The following MDGA2 variants were observed in gnomAD, a reference collection of about 807,000 sequenced individuals.
MDGA2 encodes the protein MAM domain containing glycosylphosphatidylinositol anchor 2, also known as MAM domain-containing glycosylphosphatidylinositol anchor protein 2.
Under a neutral mutation model 117.8 loss-of-function variants are expected in MDGA2, and 40 were observed. The ratio of observed to expected loss-of-function variants is 0.34; its 90% CI spans 0.26 to 0.44. The LOEUF (loss-of-function observed/expected upper bound fraction) is 0.44. MDGA2 is among the 20% of genes least tolerant of loss of function. MDGA2 has a pLI of 1.00. For synonymous variants in MDGA2, 452 were observed against 439.0 expected, an observed-to-expected ratio of 1.03 and a Z score of -0.37; for missense variants, 1,123 against 1,250.6, an observed-to-expected ratio of 0.90 and a Z score of 1.54.
chr14:47,358,881 T>C (rs757056340), intron 1 of MDGA2, among the ~76,000 whole-genome samples: 3 of 152,162 alleles, frequency 2.0e-5, no homozygotes, highest in Non-Finnish European at 4.4e-5. Context: ...AAAATGTCCA[T>C]ACTATCTAAA....
intron 5 of MDGA2, among the ~76,000 whole-genome samples, chr14:47,113,887 G>A (rs1414973016): frequency 2.0e-5 from 3 of 152,136 alleles, no homozygotes; most frequent in East Asian, 3.9e-4. Flanking sequence ...AATCAACATA[G>A]TACTGGAAGT....
chr14:46,848,117 G>T (rs1880915652), intron 15 of MDGA2, among the ~76,000 whole-genome samples: 1 of 152,036 alleles, frequency 6.6e-6, no homozygotes, highest in South Asian at 2.1e-4. Context: ...GTCTAATAAA[G>T]GTGGGTTAAA....
intron 1 of MDGA2, among the ~76,000 whole-genome samples, chr14:47,486,464 T>G (rs182872668): frequency 6.6e-6 from 1 of 152,234 alleles, no homozygotes; most frequent in African/African-American, 2.4e-5. Flanking sequence ...ACTCTGGACT[T>G]TTGAGTTAAT....
chr14:46,932,168 T>C (rs1884605286), intron 9 of MDGA2, among the ~76,000 whole-genome samples: 1 of 151,870 alleles, frequency 6.6e-6, no homozygotes, highest in Non-Finnish European at 1.5e-5. Flanking sequence ...ACGATAGCTA[T>C]TAATATGTGT....
intron 8 of MDGA2, among the ~76,000 whole-genome samples, chr14:46,961,508 T>G (rs1885806284): frequency 6.6e-6 from 1 of 152,226 alleles, no homozygotes; most frequent in African/African-American, 2.4e-5. Flanking sequence ...CAATAACGTA[T>G]ACTTCATTTA....
chr14:47,567,825 A>G (rs1162005832), intron 1 of MDGA2, among the ~76,000 whole-genome samples: 1 of 152,136 alleles, frequency 6.6e-6, no homozygotes, highest in East Asian at 1.9e-4. Flanking sequence ...AAAAAGTACA[A>G]AATTTTATTT....
intron 1 of MDGA2, among the ~76,000 whole-genome samples, chr14:47,360,091 C>T (rs1175593996): frequency 6.6e-6 from 1 of 151,850 alleles, no homozygotes; most frequent in East Asian, 2.0e-4. Flanking sequence ...GTGGCTCATG[C>T]CTGTAATCCC....
rs141898490 is a variant in MDGA2 at position 46,958,932 on chromosome 14, T to C, written c.1820-1289A>G. The stretch of plus-strand genomic sequence containing the variant: ...AATAGTCTGCACTTTTGAAGTGTGA[T>C]TGATATGTATCTATTGGGCCAACTC... On this transcript the variant is annotated intron_variant, in intron 8 of 16. Transcript: ENST00000399232. Among the ~76,000 whole-genome samples the C allele has an allele frequency of 1.4e-4, 22 of 152,328 alleles. No homozygotes were observed. The East Asian group carries it at 4.1e-3, about 28-fold the overall frequency.
At chr14:47,253,440 A>T (rs1345914894) in intron 2 of MDGA2, among the ~76,000 whole-genome samples, 1 of 152,248 alleles carries the variant, frequency 6.6e-6, no homozygotes, top group East Asian at 1.9e-4. Flanking sequence ...CAAACGGGCT[A>T]CACACACCAT....
chr14:47,083,986 A>C (rs1277952792), intron 6 of MDGA2, among the ~76,000 whole-genome samples: 1 of 152,118 alleles, frequency 6.6e-6, no homozygotes, highest in Non-Finnish European at 1.5e-5. Context: ...ATACTTGGAG[A>C]CTTTGATATT....
chr14:47,495,623 T>G (rs1263010408), intron 1 of MDGA2, among the ~76,000 whole-genome samples: 1 of 152,204 alleles, frequency 6.6e-6, no homozygotes, highest in Non-Finnish European at 1.5e-5. Context: ...GTAGCCTCAA[T>G]TTTCTATCTG....
intron 8 of MDGA2, among the ~76,000 whole-genome samples, chr14:46,972,238 A>C (rs1011631413): frequency 6.6e-5 from 10 of 152,192 alleles, no homozygotes; most frequent in Non-Finnish European, 1.5e-4. Context: ...ATACCCAGTT[A>C]GTGCTGGAGA....
chr14:47,446,597 G>GA (rs1252776522), intron 1 of MDGA2, among the ~76,000 whole-genome samples: 6 of 151,132 alleles, frequency 4.0e-5, no homozygotes, highest in Admixed American at 2.0e-4. Context: ...GGTAAAAAGA[G>GA]AAAAAAAAAT....
chr14:47,350,633 C>A (rs1271283653), intron 1 of MDGA2, among the ~76,000 whole-genome samples: 9 of 152,152 alleles, frequency 5.9e-5, no homozygotes, highest in Admixed American at 3.9e-4. Context: ...TTGAAGCCTT[C>A]ATTCAAAAAA....
Position 46,874,154 on chromosome 14 carries a change from A to G in MDGA2, c.2484T>C (p.Thr828=). 1.3e-6 allele frequency: 2 copies of G among 1,504,606 alleles called. No individual in the cohort carries two copies. Among genetic ancestry groups the G allele is most frequent in the Non-Finnish European group, 8.9e-7 (1 of 1,127,238 alleles). The allele number at this position is 1,504,606 out of a possible 1,614,324, so 93.2% of individuals were successfully genotyped here. Residue 828 remains threonine (T), a synonymous_variant, in exon 13 of 17, where the codon ACT becomes ACC. Coordinates refer to ENST00000399232, the MANE Select transcript of MDGA2 (RefSeq NM_001113498.3). ...GFEDGNICLF[T]QDDTDNFDWT... is the part of the protein sequence containing the mutation. Reference sequence around the variant, plus strand: ...AGTCAAAATTATCTGTATCATCTTGAGTGAACAAACAAATATTACCATCTT... The same window carrying G: ...AGTCAAAATTATCTGTATCATCTTGGGTGAACAAACAAATATTACCATCTT...
rs1413810179 is a variant in MDGA2 at position 47,674,550 on chromosome 14, G to T, written c.247C>A (p.Leu83Ile). ...CCTTGGCCAGAGATCCCCTCCAGGA[G>T]GACTGTCAGCAGCCACACGAGACCG... ...LYGLVWLLTVLLEGISGQGVY... is the reference protein window; with the variant it reads ...LYGLVWLLTVILEGISGQGVY... Residue 83 changes from leucine (L) to isoleucine (I), a missense_variant, in exon 1 of 17, where the codon CTC becomes ATC. Leu to Ile is a conservative substitution (Grantham distance 5). Transcript: ENST00000399232. 1.3e-6 allele frequency: 2 copies of T among 1,551,296 alleles called. No homozygotes were observed. Among genetic ancestry groups the T allele is most frequent in the Non-Finnish European group, 1.7e-6 (2 of 1,146,812 alleles).
chr14:47,319,507 T>A (rs1353611869), intron 1 of MDGA2, among the ~76,000 whole-genome samples: 1 of 152,188 alleles, frequency 6.6e-6, no homozygotes. Context: ...AGCTAACACA[T>A]GCTACTAAAC....
rs74421599 is a variant in MDGA2, at chr14:47,057,370, C to T, written c.1525+3879G>A. On this transcript the variant is annotated intron_variant, in intron 7 of 16. Transcript: ENST00000399232. Reference sequence around the variant, plus strand: ...CTGTCTTGATGATTTAGATTGTAAGCTCCTTAAGGGCAAGGCCTATTTGTA... The same window carrying T: ...CTGTCTTGATGATTTAGATTGTAAGTTCCTTAAGGGCAAGGCCTATTTGTA... 8.9e-4 allele frequency among the ~76,000 whole-genome samples: 135 copies of T among 152,076 alleles called. 1 individual carries two copies. The East Asian group carries it at 0.021, about 24-fold the overall frequency.
intron 1 of MDGA2, among the ~76,000 whole-genome samples, chr14:47,320,293 G>A (rs1318449251): frequency 1.3e-5 from 2 of 152,054 alleles, no homozygotes; most frequent in African/African-American, 4.8e-5. Flanking sequence ...AAGGCAGGAG[G>A]ATCGATTGAG....
Sources: allele counts gnomAD v4.1 joint callset (sites outside exome capture counted in the v4.1 genomes callset), GRCh38; gene constraint gnomAD v4.1.1; transcripts MANE v1.5; gene names NCBI Gene and HGNC (gene_info 2026-07-23, HGNC 2026-07-21).